Variants in PTPRN observed in about 807,000 individuals in gnomAD.
PTPRN encodes protein tyrosine phosphatase receptor type N.
In PTPRN, 70 loss-of-function variants were observed where a neutral mutation model predicts 108.5. That is an observed-to-expected ratio of 0.65 (90% CI 0.53 to 0.79). The LOEUF (loss-of-function observed/expected upper bound fraction) is 0.79. Among genes scored for constraint, PTPRN ranks in the 30% least tolerant of loss-of-function variants. The pLI is 0.00. For synonymous variants in PTPRN, 496 were observed against 524.6 expected (o/e 0.95, Z 0.75); for missense variants, 1,136 against 1,295.5 (o/e 0.88, Z 1.89).
rs1952415794 is a variant in PTPRN at position 219,303,753 on chromosome 2, T to C, written c.359A>G (p.Glu120Gly). ...MERIPRLRPP[E>G]PRPRDRSGLA... ...TGCCTACCTGTCCCTTGGACGGGGC[T>C]CTGGGGGGCGAAGCCTGGGGATGCG... The change falls in exon 4 of 23, where the codon GAG (glutamate) becomes GGG (glycine). Residue 120 changes from glutamate (E) to glycine (G), a missense_variant. Transcript: ENST00000295718. The C allele has an allele frequency of 1.9e-6, 3 of 1,613,948 alleles. No homozygotes were observed. The South Asian group carries it at 3.3e-5, about 18-fold the overall frequency.
Position 219,290,808 on chromosome 2 carries a change from C to T in PTPRN, c.2794+18G>A, listed in dbSNP as rs368638010. 3.7e-5 allele frequency: 60 copies of T among 1,612,934 alleles called. No individual in the cohort carries two copies. The highest frequency in any genetic ancestry group is 6.7e-5 in the African/African-American group (5 of 74,858). ...AAAAGGGCCTGGGGGCTGCGGGCAC[C>T]GTGGGGAAGCTCCCTACCTTTTGCC... On this transcript the variant is annotated intron_variant, in intron 21 of 22. Coordinates refer to ENST00000295718, the MANE Select transcript of PTPRN (RefSeq NM_002846.4). The surrounding 1 kb of genome is among the most constrained non-coding windows in gnomAD (Gnocchi z 4.2).
intron 2 of PTPRN, 68 bp downstream of exon 2, chr2:219,307,724 T>TC: frequency 6.4e-7 from 1 of 1,573,222 alleles, no homozygotes; most frequent in Non-Finnish European, 8.7e-7. Flanking sequence ...GGGCCTTCTC[T>TC]CCCCTTCTTG....
rs781562759 is a variant in PTPRN, at chr2:219,302,590, A to T, written c.625T>A (p.Tyr209Asn). ...LSYEPALLQP[Y>N]LFHQFGSRDG... ...CAAGGACTTACCTGGTGGAACAGGT[A>T]GGGCTGCAGCAAGGCAGGTTCGTAA... is the stretch of plus-strand genomic sequence containing the variant. The change falls in exon 5 of 23, where the codon TAC becomes AAC. Residue 209 changes from tyrosine (Y) to asparagine (N), a missense_variant. By Grantham distance (143) the Tyr-to-Asn change is moderately radical. Coordinates refer to ENST00000295718, the MANE Select transcript of PTPRN (RefSeq NM_002846.4). 1 of 1,614,050 alleles carries T rather than the reference A, an allele frequency of 6.2e-7. No homozygotes were observed. The highest frequency in any genetic ancestry group is 8.5e-7 in the Non-Finnish European group (1 of 1,179,954).
chr2:219,298,785 C>A (rs13014450), intron 12 of PTPRN, among the ~76,000 whole-genome samples: 2 of 152,212 alleles, frequency 1.3e-5, no homozygotes, highest in Admixed American at 1.3e-4. Context: ...TTGGAGACTG[C>A]GCTCCAGCAG....
At position 219,303,730 on chromosome 2, in the gene PTPRN, C is replaced by A. The variant is rs1258641966; in HGVS notation, c.377+5G>T. The A allele has an allele frequency of 6.2e-7, 1 of 1,611,452 alleles. No individual in the cohort carries two copies. Among genetic ancestry groups the A allele is most frequent in the South Asian group, 1.1e-5 (1 of 91,022 alleles). ...TTGCTAGAGTTGTAGAGAAAGGCTG[C>A]CTACCTGTCCCTTGGACGGGGCTCT... On this transcript the variant is annotated splice_donor_5th_base_variant and intron_variant, in intron 4 of 22. Coordinates refer to ENST00000295718, the MANE Select transcript of PTPRN (RefSeq NM_002846.4).
In PTPRN at chr2:219,308,989, C is replaced by T. The variant is rs1017551908; in HGVS notation, c.115+229G>A. Reference sequence around the variant, plus strand: ...TCCTTCTCCCGAACCTGCAATTTTCCCCAGAGCCCAATTCTCTTAGGTCCC... The same window carrying T: ...TCCTTCTCCCGAACCTGCAATTTTCTCCAGAGCCCAATTCTCTTAGGTCCC... On this transcript the variant is annotated intron_variant, in intron 1 of 22. Transcript: ENST00000295718. The T allele has an allele frequency of 1.4e-5, 21 of 1,518,914 alleles. No individual in the cohort carries two copies. In the Admixed American group the frequency reaches 2.8e-4, roughly 20 times the overall value. The allele number at this position is 1,518,914 out of a possible 1,614,324, so 94.1% of individuals were successfully genotyped here. A position where few individuals can be genotyped will look rare whatever the true frequency, so the allele number is the denominator to read the frequency against.
intron 4 of PTPRN, 64 bp downstream of exon 4, chr2:219,303,671 A>G (rs1574929367): frequency 6.7e-7 from 1 of 1,483,064 alleles, no homozygotes; most frequent in Non-Finnish European, 9.4e-7. Flanking sequence ...TCTCTCCATC[A>G]ATTAGGACAA....
intron 1 of PTPRN, among the ~76,000 whole-genome samples, chr2:219,308,568 C>T (rs1052759908): frequency 6.6e-6 from 1 of 151,624 alleles, no homozygotes; most frequent in African/African-American, 2.4e-5. Context: ...CCATCCCCCA[C>T]CCCCTGTCCG....
At position 219,302,706 on chromosome 2, in the gene PTPRN, C is replaced by T. The variant is rs757067162; in HGVS notation, c.509G>A (p.Ser170Asn). 2 of 1,613,142 alleles carry T rather than the reference C, an allele frequency of 1.2e-6. No individual in the cohort carries two copies. Among genetic ancestry groups the T allele is most frequent in the Non-Finnish European group, 1.7e-6 (2 of 1,179,844 alleles). ...AGCCTGCAGAGGGGACAGAGAGGAG[C>T]TGGCCCCAGCTCCACCTTTGCCCAC... ...PPVGKGGAGA[S>N]SSLSPLQAEL... Residue 170 changes from serine (S) to asparagine (N), a missense_variant, in exon 5 of 23, where the codon AGC becomes AAC. Transcript: ENST00000295718.
chr2:219,293,463 A>G (rs1033090380), intron 19 of PTPRN, among the ~76,000 whole-genome samples: 22 of 152,148 alleles, frequency 1.4e-4, no homozygotes, highest in African/African-American at 5.1e-4. Context: ...TACAGGTGTG[A>G]ACCACCGCGC....
chr2:219,308,620 A>C (rs1401584564), intron 1 of PTPRN, among the ~76,000 whole-genome samples: 2 of 143,804 alleles, frequency 1.4e-5, no homozygotes, highest in African/African-American at 2.6e-5. Flanking sequence ...GATGTGAGTC[A>C]GCACCAGGCC....
intron 3 of PTPRN, 94 bp downstream of exon 3, chr2:219,307,350 G>A (rs968921284): frequency 3.2e-5 from 33 of 1,046,930 alleles, no homozygotes; most frequent in Non-Finnish European, 4.3e-5. Flanking sequence ...TCCAGCAGTG[G>A]GGGTGATAGG....
At chr2:219,292,822 A>G (rs1233215414) in intron 19 of PTPRN, 1 of 152,224 alleles carries the variant, frequency 6.6e-6, no homozygotes, top group Non-Finnish European at 1.5e-5. Flanking sequence ...CTCCTGTTAG[A>G]TCAGCCATTG....
At chr2:219,309,100 C>T (rs775795518) in intron 1 of PTPRN, 118 bp downstream of exon 1, 4 of 1,506,350 alleles carry the variant, frequency 2.7e-6, no homozygotes, top group Non-Finnish European at 3.6e-6. Flanking sequence ...CATGCCTCCC[C>T]CAACCCATAT....
rs777711823 is a variant in PTPRN, at chr2:219,302,405, G to A, written c.726C>T (p.Ala242=). 20 of 1,614,126 alleles carry A rather than the reference G, an allele frequency of 1.2e-5. No individual in the cohort carries two copies. Among genetic ancestry groups the A allele is most frequent in the Non-Finnish European group, 1.7e-5 (20 of 1,179,972 alleles). The change falls in exon 6 of 23, where the codon GCC becomes GCT. Residue 242 remains alanine (A), a synonymous_variant. Coordinates refer to ENST00000295718, the MANE Select transcript of PTPRN (RefSeq NM_002846.4). ...CCTTGGAGGCAGTTCTGCTGAAGAG[G>A]GCAGGGGCTTCAGCCTTGGGCAGGG... ...VGPLPKAEAP[A]LFSRTASKGI...
chr2:219,309,108 T>C (rs1469147164), intron 1 of PTPRN, 110 bp downstream of exon 1: 1 of 1,286,462 alleles, frequency 7.8e-7, no homozygotes, highest in Admixed American at 2.5e-5. Context: ...CCCCAACCCA[T>C]ATTCTCCCCG....
chr2:219,291,694 G>C (rs1031371507), intron 19 of PTPRN, 171 bp from the exon 20 acceptor site: 1 of 689,480 alleles, frequency 1.5e-6, no homozygotes, highest in Non-Finnish European at 2.5e-6. Context: ...ACCAGAGCTG[G>C]TGTGGGTGGC....
rs1168222213 is a variant in PTPRN at position 219,301,720 on chromosome 2, C to T, written c.995-1G>A. ...GCGGCCAGCCTCTGCAGAGCCGCAT[C>T]TGCTGGGAGCCAGACACAGAGCTTA... On this transcript the variant is annotated splice_acceptor_variant, in intron 6 of 22. Transcript: ENST00000295718. LOFTEE classifies it high-confidence loss of function. 6.2e-7 allele frequency: 1 copy of T among 1,606,334 alleles called. No homozygotes were observed. Among genetic ancestry groups the T allele is most frequent in the Non-Finnish European group, 8.5e-7 (1 of 1,173,946 alleles).
chr2:219,296,892 GC>G lies in PTPRN; in HGVS notation c.2237-71del, dbSNP rs1276985202. 1.2e-6 allele frequency: 2 copies of G among 1,612,746 alleles called. No homozygotes were observed. Among genetic ancestry groups the G allele is most frequent in the African/African-American group, 2.7e-5 (2 of 74,990 alleles). ...GGCATCGCGGGACCTCTGCCACTCA[GC>G]CTGAGCCAGAAGCCCAACCCCTTAC... is the stretch of plus-strand genomic sequence containing the variant. On this transcript the variant is annotated intron_variant, in intron 15 of 22. Transcript: ENST00000295718. This position sits in a 1 kb window ranked among gnomAD's most constrained non-coding sequence, Gnocchi z 6.0.
Sources: gnomAD v4.1 joint callset for allele counts (sites outside exome capture counted in the v4.1 genomes callset) on GRCh38, gnomAD v4.1.1 for gene constraint, Gnocchi (gnomAD v3.1) non-coding constraint, MANE v1.5 for transcripts, NCBI Gene and HGNC (gene_info 2026-07-23, HGNC 2026-07-21) for gene names.